Variants in PLSCR1 observed in about 807,000 individuals in gnomAD.
PLSCR1 encodes the protein phospholipid scramblase 1, also known as PL scramblase 1.
Under a neutral mutation model 37.8 loss-of-function variants are expected in PLSCR1, and 17 were observed. That is an observed-to-expected ratio of 0.45 (90% CI 0.31 to 0.68). The LOEUF is 0.68. PLSCR1 is among the 30% of genes least tolerant of loss of function. The pLI is 0.06. For synonymous variants in PLSCR1, 116 were observed against 125.9 expected (o/e 0.92, Z 0.53); for missense variants, 347 against 380.9 (o/e 0.91, Z 0.74).
chr3:146,528,541 A>T, intron 4 of PLSCR1, 73 bp downstream of exon 4: 1 of 1,169,912 alleles, frequency 8.5e-7, no homozygotes, highest in Non-Finnish European at 1.3e-6. Context: ...TGAATTATTC[A>T]TTTGCTAATC....
At chr3:146,520,551 C>T (rs1411668815) in intron 7 of PLSCR1, among the ~76,000 whole-genome samples, 1 of 152,146 alleles carries the variant, frequency 6.6e-6, no homozygotes, top group East Asian at 1.9e-4. Flanking sequence ...TTCTATATCA[C>T]ATCCTCCTTA....
At chr3:146,516,537 A>G (rs1204087487) in intron 8 of PLSCR1, 8 of 168,404 alleles carry the variant, frequency 4.8e-5, no homozygotes, top group Non-Finnish European at 8.8e-5. Context: ...AATCACTGGT[A>G]TATCCAATTA....
intron 5 of PLSCR1, among the ~76,000 whole-genome samples, chr3:146,522,593 T>C (rs1402378559): frequency 2.0e-5 from 3 of 152,314 alleles, no homozygotes; most frequent in South Asian, 2.1e-4. Context: ...AAGCCAGGTA[T>C]TGTCCAAGGT....
At chr3:146,537,733 G>A (rs549951112) in intron 1 of PLSCR1, among the ~76,000 whole-genome samples, 92 of 152,202 alleles carry the variant, frequency 6.0e-4, no homozygotes, top group African/African-American at 1.9e-3. Flanking sequence ...AGCCAAGCAT[G>A]GTGGCATGCG....
At chr3:146,527,606 C>T (rs1388961927) in intron 4 of PLSCR1, among the ~76,000 whole-genome samples, 1 of 152,006 alleles carries the variant, frequency 6.6e-6, no homozygotes, top group Non-Finnish European at 1.5e-5. Context: ...TAATATCAAC[C>T]TTTGTCATAT....
chr3:146,525,980 G>A (rs558023475), intron 4 of PLSCR1, among the ~76,000 whole-genome samples: 2 of 151,492 alleles, frequency 1.3e-5, no homozygotes, highest in Non-Finnish European at 1.5e-5. Flanking sequence ...TCAGGAGATC[G>A]AGACCATCCT....
At chr3:146,531,556 C>T (rs1355425421) in intron 3 of PLSCR1, among the ~76,000 whole-genome samples, 1 of 152,174 alleles carries the variant, frequency 6.6e-6, no homozygotes, top group Non-Finnish European at 1.5e-5. Context: ...TGATGGATTA[C>T]TCCTCAAATC....
rs1196102792 is a variant in PLSCR1, at chr3:146,516,048, C to T, written c.954G>A (p.Trp318Ter). The T allele has an allele frequency of 1.9e-6, 3 of 1,603,474 alleles. No homozygotes were observed. The highest frequency in any genetic ancestry group is 1.7e-4 in the Middle Eastern group (1 of 6,030). The change falls in exon 9 of 9, where the codon TGG (tryptophan) becomes TGA (stop). Residue 318 changes from tryptophan to a stop codon, truncating the protein, a stop_gained. Coordinates refer to ENST00000342435, the MANE Select transcript of PLSCR1 (RefSeq NM_021105.3). LOFTEE classifies it high-confidence loss of function. ...TGSQEQKSGV[W>*] ...TGAGGAGACTTTCACTAATCCACTACCACACTCCTGATTTTTGTTCCTGGC... is the reference window on the plus strand; with the variant it reads ...TGAGGAGACTTTCACTAATCCACTATCACACTCCTGATTTTTGTTCCTGGC...
intron 4 of PLSCR1, among the ~76,000 whole-genome samples, chr3:146,527,746 T>A (rs1001289653): frequency 6.6e-6 from 1 of 152,182 alleles, no homozygotes; most frequent in African/African-American, 2.4e-5. Flanking sequence ...TGTGGGAAAT[T>A]AAGTTACTAA....
intron 5 of PLSCR1, among the ~76,000 whole-genome samples, chr3:146,522,254 G>A (rs1351967683): frequency 6.6e-6 from 1 of 152,110 alleles, no homozygotes; most frequent in Non-Finnish European, 1.5e-5. Flanking sequence ...GAGAAATTAA[G>A]TCCTTATGCC....
intron 1 of PLSCR1, among the ~76,000 whole-genome samples, chr3:146,539,343 A>G (rs2587018): frequency 0.27 from 41,264 of 152,078 alleles, 5,822 homozygotes; most frequent in African/African-American, 0.32. Flanking sequence ...AGCGATGGGG[A>G]GCAGCTGTCA....
At chr3:146,523,754 C>G (rs2044066556) in intron 5 of PLSCR1, among the ~76,000 whole-genome samples, 1 of 152,168 alleles carries the variant, frequency 6.6e-6, no homozygotes, top group Non-Finnish European at 1.5e-5. Flanking sequence ...AAACAGATGG[C>G]TGCAAAATGC....
intron 2 of PLSCR1, among the ~76,000 whole-genome samples, chr3:146,534,875 C>CAAATAAAT (rs964315992): frequency 1.3e-5 from 2 of 151,892 alleles, no homozygotes; most frequent in Admixed American, 6.6e-5. Flanking sequence ...GACTCCATCT[C>CAAATAAAT]AAATAAATAA....
chr3:146,531,388 G>A (rs529008723), intron 3 of PLSCR1, among the ~76,000 whole-genome samples: 6 of 152,166 alleles, frequency 3.9e-5, no homozygotes, highest in Non-Finnish European at 8.8e-5. Context: ...TAAAATAGGG[G>A]CTCTACACTC....
rs139995629 is a variant in PLSCR1, at chr3:146,521,674, A to G, written c.608T>C (p.Ile203Thr). 1.2e-6 allele frequency: 2 copies of G among 1,613,292 alleles called. No individual in the cohort carries two copies. Among genetic ancestry groups the G allele is most frequent in the Non-Finnish European group, 8.5e-7 (1 of 1,179,300 alleles). ...IEIQAPPGVP[I>T]GYVIQTWHPC... Reference sequence around the variant, plus strand: ...GTGCCAAGTCTGAATAACATAACCTATTGGTACACCAGGAGGAGCTTGGAT... The same window carrying G: ...GTGCCAAGTCTGAATAACATAACCTGTTGGTACACCAGGAGGAGCTTGGAT... Residue 203 changes from isoleucine (I) to threonine (T), a missense_variant, in exon 7 of 9, where the codon ATA becomes ACA. Coordinates refer to ENST00000342435, the MANE Select transcript of PLSCR1 (RefSeq NM_021105.3).
intron 1 of PLSCR1, among the ~76,000 whole-genome samples, chr3:146,537,185 C>T (rs1247378784): frequency 6.6e-6 from 1 of 151,986 alleles, no homozygotes; most frequent in Non-Finnish European, 1.5e-5. Context: ...CCTTGACCAC[C>T]CAAGTGAAAC....
intron 8 of PLSCR1, 29 bp downstream of exon 8, chr3:146,516,977 A>G (rs745745410): frequency 2.2e-6 from 3 of 1,376,468 alleles, no homozygotes; most frequent in Non-Finnish European, 3.0e-6. Context: ...GAAAGCATCT[A>G]TAATCAAGAT....
chr3:146,540,353 C>T (rs756980722), intron 1 of PLSCR1, among the ~76,000 whole-genome samples: 1 of 152,054 alleles, frequency 6.6e-6, no homozygotes, highest in African/African-American at 2.4e-5. Flanking sequence ...TCATAAGTTC[C>T]CATTGCTTCT....
chr3:146,536,022 G>A (rs557788453), intron 2 of PLSCR1, among the ~76,000 whole-genome samples: 2 of 152,052 alleles, frequency 1.3e-5, no homozygotes, highest in Non-Finnish European at 2.9e-5. Context: ...TAATAAGACA[G>A]TCTTTTATTA....
Sources: gnomAD v4.1 joint callset for allele counts (sites outside exome capture counted in the v4.1 genomes callset) on GRCh38, gnomAD v4.1.1 for gene constraint, MANE v1.5 for transcripts, NCBI Gene and HGNC (gene_info 2026-07-23, HGNC 2026-07-21) for gene names.